MTCL1: variants seen among roughly 807,000 people sequenced by gnomAD.
MTCL1 encodes microtubule crosslinking factor 1.
Under a neutral mutation model 141.4 loss-of-function variants are expected in MTCL1, and 79 were observed. The ratio of observed to expected loss-of-function variants is 0.56; its 90% CI spans 0.47 to 0.67. The LOEUF (loss-of-function observed/expected upper bound fraction) is 0.67, where lower values mean the gene tolerates loss of function less well. Among genes scored for constraint, MTCL1 ranks in the 30% least tolerant of loss-of-function variants. The pLI is 0.00. For synonymous variants in MTCL1, 914 were observed against 875.8 expected (o/e 1.04, Z -0.77); for missense variants, 2,177 against 2,113.9 (o/e 1.03, Z -0.59).
intron 4 of MTCL1, among the ~76,000 whole-genome samples, chr18:8,727,125 CAG>C (rs1161722334): frequency 1.3e-5 from 2 of 152,154 alleles, no homozygotes; most frequent in African/African-American, 4.8e-5. Flanking sequence ...CTGCGAAAGA[CAG>C]GGTTTCATTC....
At chr18:8,777,776 A>G (rs974472392) in intron 4 of MTCL1, 57 bp from the exon 4 acceptor site, 28 of 1,530,724 alleles carry the variant, frequency 1.8e-5, no homozygotes, top group African/African-American at 2.7e-5. Context: ...ATGTTTGCTA[A>G]TGCTGGCTAT....
At position 8,830,563 on chromosome 18, in the gene MTCL1, T is replaced by A. The variant is rs2077164559; in HGVS notation, c.*19-1044T>A. The stretch of plus-strand genomic sequence containing the variant: ...CCCTGCACCACTGGCTGGGCTGTCC[T>A]CATCCTGGTCTTTTCAGTTGCTTGT... On this transcript the variant is annotated intron_variant, in intron 16 of 16. Transcript: ENST00000359865. The surrounding 1 kb of genome is among the most constrained non-coding windows in gnomAD (Gnocchi z 6.4). 17 of 986,178 alleles carry A rather than the reference T, an allele frequency of 1.7e-5. No homozygotes were observed. Among genetic ancestry groups the A allele is most frequent in the Non-Finnish European group, 2.0e-5 (17 of 830,510 alleles). 61.1% of individuals were successfully genotyped at this position (986,178 alleles called of 1,614,324 possible).
rs2096550294 is a variant in MTCL1 at position 8,785,630 on chromosome 18, C to T, written c.1732-306C>T. 1.4e-5 allele frequency: 5 copies of T among 356,918 alleles called. 1 individual carries two copies. In the South Asian group the frequency reaches 1.8e-4, roughly 13 times the overall value. The allele number at this position is 356,918 out of a possible 1,614,324, so 22.1% of individuals were successfully genotyped here. On this transcript the variant is annotated intron_variant, in intron 6 of 16. Coordinates refer to ENST00000359865, the Ensembl canonical transcript of MTCL1. The stretch of plus-strand genomic sequence containing the variant: ...GGTTGAGTTCTGGATTCACGCATCG[C>T]CATCGCATGTGCCCCGTAACCAGTG...
chr18:8,830,175 G>A lies in MTCL1; in HGVS notation c.*18+1211G>A. On this transcript the variant is annotated intron_variant, in intron 16 of 16. Coordinates refer to ENST00000359865, the Ensembl canonical transcript of MTCL1. This position sits in a 1 kb window ranked among gnomAD's most constrained non-coding sequence, Gnocchi z 6.4. ...TGGGCTGCAGTGAGATGAGGACACA[G>A]GAGCACCTTGGGTTAGTCTGCATCT... The A allele has an allele frequency of 1.0e-6, 1 of 985,606 alleles. No individual in the cohort carries two copies. The highest frequency in any genetic ancestry group is 1.2e-6 in the Non-Finnish European group (1 of 830,070). 61.1% of individuals were successfully genotyped at this position (985,606 alleles called of 1,614,324 possible).
intron 11 of MTCL1, chr18:8,809,789 G>A (rs1286260352): frequency 3.2e-6 from 2 of 626,768 alleles, no homozygotes; most frequent in Non-Finnish European, 5.4e-6. Context: ...GGGATGGAAA[G>A]GGGACAGGTT....
intron 7 of MTCL1, chr18:8,789,370 G>C: frequency 1.0e-6 from 1 of 976,088 alleles, no homozygotes; most frequent in South Asian, 4.7e-5. Flanking sequence ...TCATGGTGAT[G>C]GAATTGTCCT....
intron 1 of MTCL1, among the ~76,000 whole-genome samples, chr18:8,711,342 A>G (rs1447671388): frequency 6.7e-6 from 1 of 148,808 alleles, no homozygotes; most frequent in African/African-American, 2.5e-5. Flanking sequence ...TAATGCCGCA[A>G]TAAACATACG....
Position 8,763,447 on chromosome 18 carries a change from G to A in MTCL1, c.358-14386G>A, listed in dbSNP as rs79573447. The stretch of plus-strand genomic sequence containing the variant: ...GTTCACTTCCAAAGAGATGTCATGT[G>A]CCTGTGAATCTGGCTCAGGCCACCA... On this transcript the variant is annotated intron_variant, in intron 4 of 16. Coordinates refer to ENST00000359865, the Ensembl canonical transcript of MTCL1. Among the ~76,000 whole-genome samples the A allele has an allele frequency of 7.5e-4, 114 of 152,330 alleles. 1 individual carries two copies. Among genetic ancestry groups the A allele is most frequent in the African/African-American group, 2.7e-3 (114 of 41,572 alleles).
At chr18:8,786,828 T>C in intron 7 of MTCL1, 1 of 168,006 alleles carries the variant, frequency 6.0e-6, no homozygotes, top group Admixed American at 5.5e-5. Flanking sequence ...GTCTTGCCAT[T>C]GGGGACTGTC....
upstream of MTCL1, among the ~76,000 whole-genome samples, chr18:8,714,865 C>T (rs1459184690): frequency 6.6e-6 from 1 of 151,946 alleles, no homozygotes; most frequent in Non-Finnish European, 1.5e-5. Context: ...GGCGCGATTT[C>T]CACTCACTGC....
exon 17 of MTCL1, chr18:8,831,751 T>C (rs2077199399): frequency 6.5e-7 from 1 of 1,550,224 alleles, no homozygotes; most frequent in Non-Finnish European, 8.7e-7. Flanking sequence ...CCCGACGTCC[T>C]TGGAGGAGCA....
Position 8,705,869 on chromosome 18 carries a change from C to G in MTCL1, c.209C>G (p.Pro70Arg). Residue 70 changes from proline to arginine, a missense_variant, in exon 1 of 14, where the codon CCG becomes CGG. Pro to Arg is a moderately radical substitution (Grantham distance 103, BLOSUM62 -2). Transcript: ENST00000306329. This position sits in a 1 kb window ranked among gnomAD's most constrained non-coding sequence, Gnocchi z 5.2. ...GCCGTCCCCTCCTCGGGCCGAGCCC[C>G]GGCTCCCGCCGCCCCGCGCTCGCCC... The G allele has an allele frequency of 8.8e-7, 1 of 1,136,702 alleles. No individual in the cohort carries two copies. Among genetic ancestry groups the G allele is most frequent in the Non-Finnish European group, 1.1e-6 (1 of 926,468 alleles). The allele number at this position is 1,136,702 out of a possible 1,614,324, so 70.4% of individuals were successfully genotyped here.
intron 5 of MTCL1, 23 bp from the exon 5 acceptor site, chr18:8,783,507 C>G (rs762384462): frequency 2.4e-5 from 38 of 1,564,950 alleles, no homozygotes; most frequent in Non-Finnish European, 2.9e-5. Context: ...TAACCCTTCT[C>G]CCGGGCTGTT....
In MTCL1 at chr18:8,813,241, G is replaced by A. The variant is rs1242739596; in HGVS notation, c.2859+8G>A. On this transcript the variant is annotated splice_region_variant and intron_variant, in intron 12 of 16. Coordinates refer to ENST00000359865, the Ensembl canonical transcript of MTCL1. Reference sequence around the variant, plus strand: ...TTGTGGAGGATAGAGCAGGTAAGGAGGCACCCCGGGGCCCTGGAGCATAGG... The same window carrying A: ...TTGTGGAGGATAGAGCAGGTAAGGAAGCACCCCGGGGCCCTGGAGCATAGG... 2 of 1,608,894 alleles carry A rather than the reference G, an allele frequency of 1.2e-6. No individual in the cohort carries two copies. The highest frequency in any genetic ancestry group is 1.7e-6 in the Non-Finnish European group (2 of 1,177,710).
intron 4 of MTCL1, among the ~76,000 whole-genome samples, chr18:8,765,262 G>A (rs1051444188): frequency 3.3e-5 from 5 of 152,238 alleles, no homozygotes; most frequent in African/African-American, 7.2e-5. Context: ...TGTGAGCGGG[G>A]TGGAGGTAGA....
chr18:8,754,060 T>C (rs998667530), intron 4 of MTCL1, among the ~76,000 whole-genome samples: 2 of 152,192 alleles, frequency 1.3e-5, no homozygotes, highest in African/African-American at 2.4e-5. Flanking sequence ...ATTTTCCCCC[T>C]ACTTCCTATT....
chr18:8,706,153 G>A (rs560194628), exon 1 of MTCL1: 13 of 1,220,016 alleles, frequency 1.1e-5, no homozygotes, highest in South Asian at 8.2e-5. Flanking sequence ...AGCCAAGCGC[G>A]GCTCCCGGGC....
intron 5 of MTCL1, among the ~76,000 whole-genome samples, chr18:8,778,522 C>G (rs937518056): frequency 1.3e-5 from 2 of 152,206 alleles, no homozygotes; most frequent in African/African-American, 4.8e-5. Flanking sequence ...ATTAGAGAGA[C>G]ACAATGAGTC....
At position 8,780,548 on chromosome 18, in the gene MTCL1, A is replaced by G. The variant is rs75812417; in HGVS notation, c.417+2656A>G. Among the ~76,000 whole-genome samples the G allele has an allele frequency of 8.0e-3, 1,214 of 152,352 alleles. 16 individuals carry two copies. Among genetic ancestry groups the G allele is most frequent in the African/African-American group, 0.028 (1,166 of 41,588 alleles). ...CTGCTTTAGAGGTGGAGATGGGATCATTTAGATGATTTTTGACAATGGACA... is the reference window on the plus strand; with the variant it reads ...CTGCTTTAGAGGTGGAGATGGGATCGTTTAGATGATTTTTGACAATGGACA... On this transcript the variant is annotated intron_variant, in intron 5 of 16. Transcript: ENST00000359865.
Sources: gnomAD v4.1 joint callset for allele counts (sites outside exome capture counted in the v4.1 genomes callset) on GRCh38, gnomAD v4.1.1 for gene constraint, Gnocchi (gnomAD v3.1) non-coding constraint, MANE v1.5 for transcripts, NCBI Gene and HGNC (gene_info 2026-07-23, HGNC 2026-07-21) for gene names.